The following TRAPPC8 variants were observed in gnomAD, a reference collection of about 807,000 sequenced individuals.
The protein encoded by TRAPPC8 is trafficking protein particle complex subunit 8.
In TRAPPC8, 54 loss-of-function variants were observed where a neutral mutation model predicts 174.3. The ratio of observed to expected loss-of-function variants is 0.31; its 90% CI spans 0.25 to 0.39. TRAPPC8 has a LOEUF of 0.39. Among genes scored for constraint, TRAPPC8 ranks in the 10% least tolerant of loss-of-function variants. TRAPPC8 has a pLI of 1.00. For synonymous variants in TRAPPC8, 630 were observed against 579.9 expected, an observed-to-expected ratio of 1.09 and a Z score of -1.24; for missense variants, 1,531 against 1,699.1, an observed-to-expected ratio of 0.90 and a Z score of 1.74.
chr18:31,877,269 T>C (rs1405740123), intron 12 of TRAPPC8, among the ~76,000 whole-genome samples: 3 of 152,050 alleles, frequency 2.0e-5, no homozygotes, highest in Admixed American at 6.5e-5. Flanking sequence ...GGCAGACGTG[T>C]CCTTGGGGAA....
At chr18:31,880,398 T>C (rs1005151650) in intron 12 of TRAPPC8, among the ~76,000 whole-genome samples, 4 of 151,700 alleles carry the variant, frequency 2.6e-5, no homozygotes, top group East Asian at 1.9e-4. Flanking sequence ...TTAAAAACCA[T>C]ATGATCATCT....
At chr18:31,853,824 T>C (rs74871921) in intron 22 of TRAPPC8, 25 bp downstream of exon 22, 97,059 of 1,557,260 alleles carry the variant, frequency 0.062, 3,357 homozygotes, top group Middle Eastern at 0.093. Flanking sequence ...CAAAATTTAT[T>C]ATGTAGCAGG....
rs932718349 is a variant in TRAPPC8, at chr18:31,902,777, G to A, written c.1390-1752C>T. On this transcript the variant is annotated intron_variant, in intron 9 of 28. Coordinates refer to ENST00000283351, the MANE Select transcript of TRAPPC8 (RefSeq NM_014939.5). Reference sequence around the variant, plus strand: ...TGAAAATAGCCCCTACTGGCCAGGCGCGGTGGCTCACGCCTGTAATCCAGC... The same window carrying A: ...TGAAAATAGCCCCTACTGGCCAGGCACGGTGGCTCACGCCTGTAATCCAGC... 6.6e-5 allele frequency among the ~76,000 whole-genome samples: 10 copies of A among 152,090 alleles called. No individual in the cohort carries two copies. In the South Asian group the frequency reaches 1.2e-3, roughly 19 times the overall value.
intron 4 of TRAPPC8, among the ~76,000 whole-genome samples, 156 bp downstream of exon 4, chr18:31,916,116 A>G (rs2037136857): frequency 6.6e-6 from 1 of 152,044 alleles, no homozygotes; most frequent in Non-Finnish European, 1.5e-5. Flanking sequence ...ATATAATGCC[A>G]GGATAAAACA....
chr18:31,905,231 T>G (rs1235589403), intron 9 of TRAPPC8, among the ~76,000 whole-genome samples: 1 of 152,190 alleles, frequency 6.6e-6, no homozygotes, highest in Admixed American at 6.5e-5. Context: ...TCAGTTCAAA[T>G]TAAATTTTTA....
At chr18:31,861,936 A>AGG (rs398032373) in intron 19 of TRAPPC8, among the ~76,000 whole-genome samples, 95 of 64,232 alleles carry the variant, frequency 1.5e-3, no homozygotes, top group Admixed American at 2.7e-3. Flanking sequence ...AAAAAAAAAA[A>AGG]GGGGGGGGGG....
chr18:31,860,228 C>T (rs1410500035), intron 19 of TRAPPC8, among the ~76,000 whole-genome samples: 1 of 152,038 alleles, frequency 6.6e-6, no homozygotes, highest in African/African-American at 2.4e-5. Context: ...TTGCCTGTAA[C>T]AGAAAATGAC....
chr18:31,849,165 AAAGAG>A (rs562711643), intron 25 of TRAPPC8, among the ~76,000 whole-genome samples: 147 of 152,312 alleles, frequency 9.7e-4, no homozygotes, highest in African/African-American at 3.2e-3. Context: ...ATTAACAATA[AAAGAG>A]AAGAGAAGGT....
chr18:31,849,541 G>C (rs1485874008), intron 25 of TRAPPC8, 25 bp downstream of exon 25: 3 of 1,553,468 alleles, frequency 1.9e-6, no homozygotes, highest in Non-Finnish European at 2.6e-6. Flanking sequence ...AGTGAGGCTT[G>C]CTGAAATAAT....
intron 2 of TRAPPC8, 101 bp from the exon 3 acceptor site, chr18:31,917,768 AT>A: frequency 1.1e-6 from 1 of 941,778 alleles, no homozygotes; most frequent in South Asian, 1.5e-5. Context: ...TAAAAAAAAA[AT>A]TTCTAACAGT....
chr18:31,877,090 G>C (rs1224402980), intron 12 of TRAPPC8, among the ~76,000 whole-genome samples: 2 of 152,192 alleles, frequency 1.3e-5, no homozygotes, highest in African/African-American at 4.8e-5. Context: ...AGGGGAAGGG[G>C]GGACAGTAGC....
chr18:31,904,036 G>C (rs1213179949), intron 9 of TRAPPC8, among the ~76,000 whole-genome samples: 2 of 152,168 alleles, frequency 1.3e-5, no homozygotes, highest in African/African-American at 4.8e-5. Flanking sequence ...AGGAGTTTAA[G>C]ACAATCCTGG....
intron 21 of TRAPPC8, 94 bp downstream of exon 21, chr18:31,855,566 G>A (rs2033956350): frequency 3.8e-6 from 4 of 1,041,212 alleles, no homozygotes; most frequent in South Asian, 1.7e-5. Context: ...CCTAGCTTAT[G>A]CTGTCTTGTA....
intron 26 of TRAPPC8, among the ~76,000 whole-genome samples, chr18:31,846,215 T>C (rs878882076): frequency 6.6e-6 from 1 of 152,168 alleles, no homozygotes; most frequent in Non-Finnish European, 1.5e-5. Flanking sequence ...TTAAAATCAA[T>C]TTATGTTCAC....
intron 9 of TRAPPC8, among the ~76,000 whole-genome samples, chr18:31,903,905 T>C (rs1459433135): frequency 6.6e-6 from 1 of 151,228 alleles, no homozygotes; most frequent in East Asian, 1.9e-4. Flanking sequence ...AGGACTTTAG[T>C]TAATAATTCA....
In TRAPPC8 at chr18:31,830,782, A is replaced by T. The variant is rs758301928; in HGVS notation, c.4281T>A (p.Pro1427=). Residue 1427 remains proline (P), a synonymous_variant, in exon 29 of 29, where the codon CCT becomes CCA. Transcript: ENST00000283351. ...ACACATTACTGATGATGATCAGGGC[A>T]GGCATGGAATTCTGCTGACTTGTTT... ...VFETSQQNSM[P]ALIIISNV is the part of the protein sequence containing the mutation. 6.2e-7 allele frequency: 1 copy of T among 1,614,178 alleles called. No homozygotes were observed.
At chr18:31,837,512 G>C (rs2032820534) in intron 27 of TRAPPC8, among the ~76,000 whole-genome samples, 1 of 152,116 alleles carries the variant, frequency 6.6e-6, no homozygotes, top group African/African-American at 2.4e-5. Flanking sequence ...GGCCAACATG[G>C]TGAAACCGCA....
In TRAPPC8 at chr18:31,913,519, A is replaced by G; in HGVS notation, c.621T>C (p.Ala207=). ...GTTTCATTTCTTCATAAATTGATTC[A>G]GCTCTAAAACAGAAAATGGAAAAAA... ...HDVSAGDEQR[A]ESIYEEMKQK... The change falls in exon 5 of 29, where the codon GCT becomes GCC. Residue 207 remains alanine (A), a synonymous_variant. Coordinates refer to ENST00000283351, the MANE Select transcript of TRAPPC8 (RefSeq NM_014939.5). The G allele has an allele frequency of 6.3e-7, 1 of 1,591,106 alleles. No homozygotes were observed. The highest frequency in any genetic ancestry group is 1.1e-5 in the South Asian group (1 of 87,270).
At chr18:31,880,454 T>C (rs2145273547) in intron 12 of TRAPPC8, among the ~76,000 whole-genome samples, 1 of 152,120 alleles carries the variant, frequency 6.6e-6, no homozygotes, top group African/African-American at 2.4e-5. Context: ...AATCCCTTCA[T>C]GATAAAAGCT....
Sources: gnomAD v4.1 joint callset for allele counts (sites outside exome capture counted in the v4.1 genomes callset) on GRCh38, gnomAD v4.1.1 for gene constraint, MANE v1.5 for transcripts, NCBI Gene and HGNC (gene_info 2026-07-23, HGNC 2026-07-21) for gene names.